SLC24A2: variants seen among roughly 807,000 people sequenced by gnomAD.
The protein encoded by SLC24A2 is solute carrier family 24 member 2, also known as sodium/potassium/calcium exchanger 2.
A neutral mutation model predicts 62.0 loss-of-function variants in SLC24A2; 36 were observed. The observed-to-expected ratio is 0.58, with a 90% confidence interval of 0.44 to 0.77. The LOEUF (loss-of-function observed/expected upper bound fraction) is 0.77, where lower values mean the gene tolerates loss of function less well. Ranked by LOEUF, SLC24A2 falls within the 30% of genes least tolerant of loss-of-function variation. The pLI is 0.00. For synonymous variants in SLC24A2, 358 were observed against 294.0 expected (o/e 1.22, Z -2.23); for missense variants, 846 against 817.9 (o/e 1.03, Z -0.42).
the SLC24A2 span, among the ~76,000 whole-genome samples, chr9:20,167,932 C>T: frequency 1.3e-5 from 2 of 151,494 alleles, no homozygotes; most frequent in African/African-American, 2.4e-5. Context: ...TAGGCTTTAC[C>T]TCTCCCTCTT....
At chr9:19,916,421 A>G in the SLC24A2 span, among the ~76,000 whole-genome samples, 67,188 of 151,834 alleles carry the variant, frequency 0.44, 15,581 homozygotes, top group Non-Finnish European at 0.52. Context: ...TTAAAGTACT[A>G]TGTGCTTATT....
the SLC24A2 span, among the ~76,000 whole-genome samples, chr9:20,238,701 CT>C: frequency 1.3e-5 from 2 of 152,178 alleles, no homozygotes; most frequent in Non-Finnish European, 2.9e-5. Flanking sequence ...GTGTACATGT[CT>C]TAGCTTTGTG....
chr9:20,131,593 G>A, the SLC24A2 span, among the ~76,000 whole-genome samples: 1 of 152,096 alleles, frequency 6.6e-6, no homozygotes, highest in Non-Finnish European at 1.5e-5. Flanking sequence ...CTGTGATGAG[G>A]GAAAGCTGTG....
chr9:20,043,468 A>G, the SLC24A2 span, among the ~76,000 whole-genome samples: 1 of 152,230 alleles, frequency 6.6e-6, no homozygotes, highest in African/African-American at 2.4e-5. Flanking sequence ...TATATTGAAA[A>G]GCTTCTGGAA....
At chr9:19,962,067 T>C in the SLC24A2 span, among the ~76,000 whole-genome samples, 1 of 152,236 alleles carries the variant, frequency 6.6e-6, no homozygotes. Flanking sequence ...GAATCTTGCT[T>C]CCCACACCAT....
chr9:19,999,000 G>C, the SLC24A2 span, among the ~76,000 whole-genome samples: 1 of 152,232 alleles, frequency 6.6e-6, no homozygotes, highest in Admixed American at 6.5e-5. Flanking sequence ...TGATATAGCA[G>C]AGAGACTTGG....
chr9:20,080,750 G>C, the SLC24A2 span, among the ~76,000 whole-genome samples: 2 of 152,038 alleles, frequency 1.3e-5, no homozygotes, highest in Non-Finnish European at 2.9e-5. Context: ...CTAATATCCA[G>C]AATCTACAAT....
At chr9:19,557,610 G>C (rs892842612) in intron 7 of SLC24A2, among the ~76,000 whole-genome samples, 3 of 152,200 alleles carry the variant, frequency 2.0e-5, no homozygotes, top group African/African-American at 7.2e-5. Context: ...AGCTAGTCAA[G>C]GCATGCAGCT....
chr9:19,912,789 T>G, the SLC24A2 span, among the ~76,000 whole-genome samples: 1 of 152,154 alleles, frequency 6.6e-6, no homozygotes, highest in Admixed American at 6.6e-5. Context: ...TAATTGATAA[T>G]TTTTCCTTTT....
chr9:20,281,251 A>T, the SLC24A2 span, among the ~76,000 whole-genome samples: 1 of 152,166 alleles, frequency 6.6e-6, no homozygotes, highest in Non-Finnish European at 1.5e-5. Context: ...TTTTTAAGAA[A>T]CTATAACTAC....
intron 2 of SLC24A2, among the ~76,000 whole-genome samples, chr9:19,772,202 T>A (rs1822710436): frequency 6.6e-6 from 1 of 152,130 alleles, no homozygotes; most frequent in Non-Finnish European, 1.5e-5. Flanking sequence ...ATTCCCAGGT[T>A]CTCTATAATC....
the SLC24A2 span, among the ~76,000 whole-genome samples, chr9:19,859,788 G>A: frequency 1.3e-5 from 2 of 152,208 alleles, no homozygotes; most frequent in Non-Finnish European, 2.9e-5. Context: ...GTGCTCTGGG[G>A]AGTGTGAGAG....
At chr9:19,575,896 T>G (rs1412617764) in intron 6 of SLC24A2, among the ~76,000 whole-genome samples, 1 of 152,210 alleles carries the variant, frequency 6.6e-6, no homozygotes, top group Non-Finnish European at 1.5e-5. Context: ...ATGGTGTGGC[T>G]TTACATTTTT....
the SLC24A2 span, among the ~76,000 whole-genome samples, chr9:20,292,385 G>A: frequency 6.6e-6 from 1 of 152,186 alleles, no homozygotes; most frequent in South Asian, 2.1e-4. Context: ...AAAAAAGAAG[G>A]TGAAGAGAAG....
chr9:19,852,737 G>T, the SLC24A2 span, among the ~76,000 whole-genome samples: 1 of 151,604 alleles, frequency 6.6e-6, no homozygotes, highest in African/African-American at 2.4e-5. Flanking sequence ...GTAGTACAAT[G>T]AGGTGAAGTA....
At chr9:20,200,326 T>C in the SLC24A2 span, among the ~76,000 whole-genome samples, 261 of 152,314 alleles carry the variant, frequency 1.7e-3, 3 homozygotes, top group East Asian at 0.042. Flanking sequence ...TGCCTCTTTC[T>C]GTGTACCTTG....
chr9:19,863,140 G>C, the SLC24A2 span, among the ~76,000 whole-genome samples: 1 of 151,858 alleles, frequency 6.6e-6, no homozygotes, highest in Non-Finnish European at 1.5e-5. Context: ...AGCTATAAGA[G>C]AGACAAGGTC....
chr9:19,926,139 T>C, the SLC24A2 span: 5 of 152,336 alleles, frequency 3.3e-5, no homozygotes, highest in African/African-American at 1.2e-4. Context: ...TTCCCCTTAG[T>C]AGTCTGTGCT....
the SLC24A2 span, among the ~76,000 whole-genome samples, chr9:19,867,823 G>T: frequency 6.6e-6 from 1 of 152,094 alleles, no homozygotes; most frequent in Non-Finnish European, 1.5e-5. Flanking sequence ...CAGGTGAATC[G>T]GTCGAACCCG....
Sources: gnomAD v4.1 joint callset for allele counts (sites outside exome capture counted in the v4.1 genomes callset) on GRCh38, gnomAD v4.1.1 for gene constraint, MANE v1.5 for transcripts, NCBI Gene and HGNC (gene_info 2026-07-23, HGNC 2026-07-21) for gene names.